CCDC192: variants seen among roughly 807,000 people sequenced by gnomAD.
CCDC192 encodes coiled-coil domain containing 192.
intron 5 of CCDC192, among the ~76,000 whole-genome samples, chr5:127,814,404 G>GTGGA (rs1332917948): frequency 8.5e-5 from 13 of 152,184 alleles, no homozygotes; most frequent in African/African-American, 3.1e-4. Flanking sequence ...TCCCCAGAGT[G>GTGGA]TGGAGCTCAG....
At chr5:127,813,515 T>G (rs1310813364) in intron 5 of CCDC192, among the ~76,000 whole-genome samples, 1 of 152,208 alleles carries the variant, frequency 6.6e-6, no homozygotes, top group Non-Finnish European at 1.5e-5. Context: ...TTCTATGTTT[T>G]GCCCAATCTC....
At chr5:127,938,678 A>G (rs1309546533) in intron 6 of CCDC192, among the ~76,000 whole-genome samples, 2 of 152,274 alleles carry the variant, frequency 1.3e-5, no homozygotes, top group Admixed American at 6.5e-5. Context: ...TGCATAAGCA[A>G]TATAGAAAAT....
At chr5:127,912,419 C>A (rs77109820) in intron 6 of CCDC192, among the ~76,000 whole-genome samples, 849 of 80,804 alleles carry the variant, frequency 0.011, no homozygotes, top group Middle Eastern at 0.02. Context: ...CTGGGTTTAG[C>A]AAAAAAAAAA....
chr5:127,815,260 C>A (rs1193653443), intron 5 of CCDC192, among the ~76,000 whole-genome samples: 4 of 152,190 alleles, frequency 2.6e-5, no homozygotes, highest in Non-Finnish European at 5.9e-5. Context: ...GTGCCATTTT[C>A]TGTTGACTCC....
At chr5:127,730,244 C>G (rs1258287195) in intron 2 of CCDC192, among the ~76,000 whole-genome samples, 1 of 152,124 alleles carries the variant, frequency 6.6e-6, no homozygotes, top group East Asian at 1.9e-4. Flanking sequence ...ACTATAAACA[C>G]CTCTATGCAA....
chr5:127,780,111 A>T (rs1756112640), intron 3 of CCDC192, among the ~76,000 whole-genome samples: 1 of 152,014 alleles, frequency 6.6e-6, no homozygotes, highest in Non-Finnish European at 1.5e-5. Context: ...ATCTATATTT[A>T]TCTATATATA....
At chr5:127,747,442 T>C (rs1410148304) in intron 2 of CCDC192, among the ~76,000 whole-genome samples, 3 of 152,276 alleles carry the variant, frequency 2.0e-5, no homozygotes, top group South Asian at 2.1e-4. Context: ...GAACTCATCA[T>C]TTTTTATGGC....
At chr5:127,828,196 C>T (rs1446268556) in intron 5 of CCDC192, among the ~76,000 whole-genome samples, 1 of 152,208 alleles carries the variant, frequency 6.6e-6, no homozygotes, top group African/African-American at 2.4e-5. Context: ...CATGAGCCAC[C>T]ACGCCTGGCA....
intron 6 of CCDC192, among the ~76,000 whole-genome samples, chr5:127,933,197 G>A (rs140871974): frequency 6.6e-6 from 1 of 152,290 alleles, no homozygotes; most frequent in Non-Finnish European, 1.5e-5. Context: ...AGATCACATA[G>A]GGCCTTGAAG....
chr5:127,894,246 G>T (rs890363514), intron 6 of CCDC192, among the ~76,000 whole-genome samples: 1 of 142,924 alleles, frequency 7.0e-6, no homozygotes, highest in African/African-American at 2.6e-5. Context: ...AGGCTGGAGT[G>T]CAGTGGTGTG....
At chr5:127,725,843 G>A (rs1752288913) in intron 2 of CCDC192, among the ~76,000 whole-genome samples, 1 of 152,132 alleles carries the variant, frequency 6.6e-6, no homozygotes, top group Non-Finnish European at 1.5e-5. Context: ...CATACACATG[G>A]CGTCTCCTCT....
intron 5 of CCDC192, among the ~76,000 whole-genome samples, chr5:127,826,626 A>G (rs1461618469): frequency 6.8e-6 from 1 of 146,866 alleles, no homozygotes; most frequent in Non-Finnish European, 1.5e-5. Context: ...TCTCACTTTG[A>G]AGTGGAGGCT....
chr5:127,727,763 T>C (rs1469893827), intron 2 of CCDC192, among the ~76,000 whole-genome samples: 1 of 152,158 alleles, frequency 6.6e-6, no homozygotes, highest in Non-Finnish European at 1.5e-5. Flanking sequence ...AGGAGCATGT[T>C]CTAACCCAAT....
rs571467837 is a variant in CCDC192 at position 127,833,376 on chromosome 5, A to AAC, written c.411+35214_411+35215insAC. ...ATTGTCCAATGGTGGGCACATGCAG[A>AAC]GCTCACTAAATAAATACTGATTTGA... On this transcript the variant is annotated intron_variant, in intron 5 of 6. Coordinates refer to ENST00000514853, the MANE Select transcript of CCDC192 (RefSeq NM_001317938.2). Among the ~76,000 whole-genome samples the AAC allele has an allele frequency of 2.6e-3, 398 of 152,280 alleles. 3 individuals carry two copies. Among genetic ancestry groups the AAC allele is most frequent in the African/African-American group, 9.3e-3 (385 of 41,572 alleles).
chr5:127,728,265 A>G (rs1561450316), intron 2 of CCDC192, among the ~76,000 whole-genome samples: 1 of 152,172 alleles, frequency 6.6e-6, no homozygotes, highest in Non-Finnish European at 1.5e-5. Context: ...GGTCAAAATG[A>G]AGGAAAAAAT....
intron 2 of CCDC192, among the ~76,000 whole-genome samples, chr5:127,708,150 A>T (rs17764418): frequency 0.055 from 8,432 of 152,290 alleles, 543 homozygotes; most frequent in East Asian, 0.27. Flanking sequence ...ATTGGGTACA[A>T]CACAGTATTT....
intron 6 of CCDC192, among the ~76,000 whole-genome samples, chr5:127,919,234 C>T (rs942415343): frequency 1.3e-5 from 2 of 151,996 alleles, no homozygotes; most frequent in Non-Finnish European, 2.9e-5. Flanking sequence ...GGTGCTTTCA[C>T]CTGGTTCCCA....
intron 6 of CCDC192, among the ~76,000 whole-genome samples, chr5:127,918,929 GTC>G (rs1317848939): frequency 4.0e-5 from 6 of 150,832 alleles, no homozygotes; most frequent in Admixed American, 3.3e-4. Context: ...GTATATGTGT[GTC>G]TCTGTGTGTA....
intron 6 of CCDC192, among the ~76,000 whole-genome samples, chr5:127,919,311 A>T (rs1296827913): frequency 6.6e-6 from 1 of 152,166 alleles, no homozygotes; most frequent in Non-Finnish European, 1.5e-5. Flanking sequence ...TAAAGGTGAG[A>T]ATCCCTTTAT....
Sources: gnomAD v4.1 joint callset for allele counts (sites outside exome capture counted in the v4.1 genomes callset) on GRCh38, gnomAD v4.1.1 for gene constraint, MANE v1.5 for transcripts, NCBI Gene and HGNC (gene_info 2026-07-23, HGNC 2026-07-21) for gene names.